Variants in TAFA1 observed in about 807,000 individuals in gnomAD.
The protein encoded by TAFA1 is TAFA chemokine like family member 1.
TAFA1 carries 4 observed loss-of-function variants against 18.5 expected under a neutral mutation model. The ratio of observed to expected loss-of-function variants is 0.22; its 90% CI spans 0.11 to 0.49. The LOEUF is 0.49. TAFA1 is among the 20% of genes least tolerant of loss of function. The probability of loss-of-function intolerance (pLI) is 0.98; values close to 1 mark genes in which losing one functional copy is unlikely to be tolerated. For missense variants in TAFA1, 147 were observed against 169.0 expected, an observed-to-expected ratio of 0.87 and a Z score of 0.72; for synonymous variants, 56 against 55.2, an observed-to-expected ratio of 1.01 and a Z score of -0.06.
At chr3:68,087,544 T>TTCCC (rs1559515440) in intron 2 of TAFA1, among the ~76,000 whole-genome samples, 5 of 86,866 alleles carry the variant, frequency 5.8e-5, no homozygotes, top group Non-Finnish European at 1.1e-4. Context: ...CCCTCCCTCC[T>TTCCC]TCCCTCCCTC....
rs561828508 is a variant in TAFA1, at chr3:68,333,913, A to T, written c.119-83367A>T. 1.2e-4 allele frequency among the ~76,000 whole-genome samples: 19 copies of T among 152,364 alleles called. 1 individual carries two copies. The South Asian group carries it at 2.9e-3, about 23-fold the overall frequency. On this transcript the variant is annotated intron_variant, in intron 2 of 4. Transcript: ENST00000478136. Reference sequence around the variant, plus strand: ...AAATAAGCCATCCACAGCAAGACAAATATTGTGTGATTTCACTTACGTGTG... The same window carrying T: ...AAATAAGCCATCCACAGCAAGACAATTATTGTGTGATTTCACTTACGTGTG...
chr3:68,162,413 A>G (rs1213027253), intron 2 of TAFA1, among the ~76,000 whole-genome samples: 1 of 152,156 alleles, frequency 6.6e-6, no homozygotes, highest in East Asian at 1.9e-4. Flanking sequence ...AGGCTCCTAT[A>G]AGAATGTAAT....
chr3:68,524,444 A>G (rs2106758360), intron 3 of TAFA1, among the ~76,000 whole-genome samples: 1 of 152,266 alleles, frequency 6.6e-6, no homozygotes, highest in African/African-American at 2.4e-5. Flanking sequence ...TAGAAGAGGA[A>G]GCATTTGTAA....
chr3:68,484,423 G>A (rs1457359801), intron 3 of TAFA1, among the ~76,000 whole-genome samples: 1 of 152,194 alleles, frequency 6.6e-6, no homozygotes. Context: ...GCCAGGGTAA[G>A]AGTAGCAGAG....
intron 2 of TAFA1, among the ~76,000 whole-genome samples, chr3:68,256,018 C>G (rs1187234297): frequency 6.6e-6 from 1 of 152,038 alleles, no homozygotes; most frequent in Non-Finnish European, 1.5e-5. Context: ...GAGTATTTAT[C>G]TTTGATAAAT....
chr3:68,485,509 T>C (rs1018032785), intron 3 of TAFA1, among the ~76,000 whole-genome samples: 2 of 152,228 alleles, frequency 1.3e-5, no homozygotes, highest in African/African-American at 4.8e-5. Flanking sequence ...TTATGCAATA[T>C]TGAAACCCAA....
chr3:68,544,798 A>C lies in TAFA1; in HGVS notation c.*295A>C, dbSNP rs1397383860. The stretch of plus-strand genomic sequence containing the variant: ...TTTGAATCTATAGTTACTTTGTACC[A>C]TTTGAAATATATGTATATATATATA... On this transcript the variant is annotated 3_prime_UTR_variant, in exon 5 of 5. Coordinates refer to ENST00000478136, the MANE Select transcript of TAFA1 (RefSeq NM_213609.4). The C allele has an allele frequency of 4.8e-6, 1 of 207,584 alleles. No homozygotes were observed. The highest frequency in any genetic ancestry group is 1.2e-4 in the East Asian group (1 of 8,292). The allele number at this position is 207,584 out of a possible 1,614,324, so 12.9% of individuals were successfully genotyped here. A position where few individuals can be genotyped will look rare whatever the true frequency, so the allele number is the denominator to read the frequency against.
chr3:68,122,899 A>G (rs768160638), intron 2 of TAFA1, among the ~76,000 whole-genome samples: 2 of 151,756 alleles, frequency 1.3e-5, no homozygotes, highest in Non-Finnish European at 2.9e-5. Flanking sequence ...ATCTATATAT[A>G]TTAAATATGT....
At chr3:68,077,864 G>C (rs2064847004) in intron 2 of TAFA1, among the ~76,000 whole-genome samples, 1 of 152,020 alleles carries the variant, frequency 6.6e-6, no homozygotes, top group Admixed American at 6.5e-5. Context: ...TTGGTAGCTT[G>C]ATGGGGATGG....
chr3:68,325,165 G>A (rs1354046417), intron 2 of TAFA1, among the ~76,000 whole-genome samples: 1 of 152,158 alleles, frequency 6.6e-6, no homozygotes, highest in African/African-American at 2.4e-5. Flanking sequence ...GAACTAGAGT[G>A]CCTGTTTGTC....
intron 2 of TAFA1, among the ~76,000 whole-genome samples, chr3:68,028,432 CCCAAAATA>C (rs1704863264): frequency 5.2e-5 from 1 of 19,314 alleles, no homozygotes; most frequent in Non-Finnish European, 1.3e-4. Flanking sequence ...TTATTTTTAA[CCCAAAATA>C]CTTTATTGGT....
intron 2 of TAFA1, among the ~76,000 whole-genome samples, chr3:68,186,967 GAA>G (rs935878004): frequency 6.6e-6 from 1 of 151,468 alleles, no homozygotes; most frequent in African/African-American, 2.4e-5. Flanking sequence ...GAGAATGTGT[GAA>G]GTTTGTGGGA....
In TAFA1 at chr3:68,475,092, G is replaced by A. The variant is rs532873736; in HGVS notation, c.259+57672G>A. On this transcript the variant is annotated intron_variant, in intron 3 of 4. Coordinates refer to ENST00000478136, the MANE Select transcript of TAFA1 (RefSeq NM_213609.4). ...TCTTGCTCAGGGTCAGATGTGAAAC[G>A]ATTCCTGGTCCCAATCTCCAGAGTC... 4.5e-4 allele frequency among the ~76,000 whole-genome samples: 69 copies of A among 151,954 alleles called. 2 individuals carry two copies. The South Asian group carries it at 0.014, about 30-fold the overall frequency.
chr3:68,384,434 A>G (rs2070045940), intron 2 of TAFA1, among the ~76,000 whole-genome samples: 2 of 152,244 alleles, frequency 1.3e-5, no homozygotes, highest in South Asian at 2.1e-4. Flanking sequence ...ACCGAAAGCC[A>G]TTCAGAGCAG....
At chr3:68,260,911 T>A (rs2067406155) in intron 2 of TAFA1, among the ~76,000 whole-genome samples, 1 of 151,940 alleles carries the variant, frequency 6.6e-6, no homozygotes, top group African/African-American at 2.4e-5. Flanking sequence ...AAAGCCAAAA[T>A]TGACAAATGG....
intron 2 of TAFA1, among the ~76,000 whole-genome samples, chr3:68,413,146 C>T (rs2070746698): frequency 6.6e-6 from 1 of 152,154 alleles, no homozygotes; most frequent in African/African-American, 2.4e-5. Context: ...AGCATTTTTT[C>T]ATGTGTCTGT....
chr3:68,529,224 T>C (rs2073151807), intron 3 of TAFA1, among the ~76,000 whole-genome samples: 1 of 151,848 alleles, frequency 6.6e-6, no homozygotes, highest in South Asian at 2.1e-4. Context: ...CCTCTGTTAT[T>C]CCTAACGTTG....
chr3:68,374,748 C>T (rs2069774844), intron 2 of TAFA1, among the ~76,000 whole-genome samples: 1 of 152,282 alleles, frequency 6.6e-6, no homozygotes, highest in African/African-American at 2.4e-5. Flanking sequence ...TTCCAGGTCT[C>T]CCTGCTGTTA....
intron 2 of TAFA1, among the ~76,000 whole-genome samples, chr3:68,237,385 C>T (rs184225193): frequency 1.3e-5 from 2 of 152,274 alleles, no homozygotes; most frequent in Admixed American, 6.5e-5. Flanking sequence ...AGGATTTCAA[C>T]ATATGAATTT....
Sources: allele counts gnomAD v4.1 joint callset (sites outside exome capture counted in the v4.1 genomes callset), GRCh38; gene constraint gnomAD v4.1.1; transcripts MANE v1.5; gene names NCBI Gene and HGNC (gene_info 2026-07-23, HGNC 2026-07-21).